Variants in GPC5 observed in about 807,000 individuals in gnomAD.
GPC5 encodes the protein glypican-5.
GPC5 carries 47 observed loss-of-function variants against 53.9 expected under a neutral mutation model. The ratio of observed to expected loss-of-function variants is 0.87; its 90% CI spans 0.69 to 1.11. The LOEUF (loss-of-function observed/expected upper bound fraction) is 1.11. GPC5 is among the 50% of genes most tolerant of loss of function. GPC5 has a pLI of 0.00. For synonymous variants in GPC5, 286 were observed against 263.3 expected (o/e 1.09, Z -0.84); for missense variants, 748 against 713.1 (o/e 1.05, Z -0.56).
At chr13:92,502,549 A>G (rs371770368) in intron 7 of GPC5, among the ~76,000 whole-genome samples, 6 of 152,038 alleles carry the variant, frequency 3.9e-5, no homozygotes, top group African/African-American at 1.4e-4. Flanking sequence ...ATATATGCAC[A>G]CACGAACAAA....
chr13:92,696,056 C>A (rs1594427074), intron 7 of GPC5, among the ~76,000 whole-genome samples: 1 of 152,114 alleles, frequency 6.6e-6, no homozygotes, highest in South Asian at 2.1e-4. Context: ...GCATAGTATT[C>A]CATGGTGTAT....
intron 6 of GPC5, among the ~76,000 whole-genome samples, chr13:91,952,189 C>CTATG (rs138325351): frequency 0.022 from 2,586 of 119,398 alleles, 59 homozygotes; most frequent in Middle Eastern, 0.076. Context: ...CTCTCTCTCT[C>CTATG]TGTGTGTGTG....
chr13:91,613,698 T>C (rs1287263117), intron 2 of GPC5, among the ~76,000 whole-genome samples: 1 of 152,202 alleles, frequency 6.6e-6, no homozygotes, highest in Non-Finnish European at 1.5e-5. Flanking sequence ...CTTCGGTATA[T>C]TGACCTGCAG....
At chr13:92,569,447 T>C (rs1447818040) in intron 7 of GPC5, among the ~76,000 whole-genome samples, 1 of 152,082 alleles carries the variant, frequency 6.6e-6, no homozygotes, top group Non-Finnish European at 1.5e-5. Context: ...CGGGATCTAA[T>C]TGTACTAGTT....
chr13:92,385,461 C>CACATAT (rs2043792176), intron 7 of GPC5, among the ~76,000 whole-genome samples: 8 of 70,448 alleles, frequency 1.1e-4, no homozygotes, highest in Admixed American at 6.6e-4. Context: ...TACATATATA[C>CACATAT]ACATATATAC....
intron 5 of GPC5, among the ~76,000 whole-genome samples, chr13:91,868,971 T>G (rs1249709691): frequency 1.3e-5 from 2 of 152,044 alleles, no homozygotes; most frequent in Admixed American, 6.6e-5. Context: ...AGGAAAGAAA[T>G]AAAGGATCAA....
chr13:92,071,577 A>T lies in GPC5; in HGVS notation c.1402-73253A>T, dbSNP rs571393711. ...TATCCCTCTAACTTGAAATACCAAA[A>T]TATATCATTAAAAAGTCATTTATAT... On this transcript the variant is annotated intron_variant, in intron 6 of 7. Coordinates refer to ENST00000377067, the MANE Select transcript of GPC5 (RefSeq NM_004466.6). Among the ~76,000 whole-genome samples the T allele has an allele frequency of 1.4e-3, 219 of 152,104 alleles. 3 individuals are homozygous for T. In the Middle Eastern group the frequency reaches 0.017, roughly 12 times the overall value.
chr13:92,485,659 A>G (rs1464414019), intron 7 of GPC5, among the ~76,000 whole-genome samples: 1 of 152,174 alleles, frequency 6.6e-6, no homozygotes, highest in Admixed American at 6.5e-5. Context: ...GCCCTACCTT[A>G]CAGCAGGTGG....
chr13:92,196,506 G>T (rs536020253), intron 7 of GPC5, among the ~76,000 whole-genome samples: 6 of 152,136 alleles, frequency 3.9e-5, no homozygotes, highest in Admixed American at 3.9e-4. Flanking sequence ...TATAATTACA[G>T]CCCTAGAATA....
intron 2 of GPC5, among the ~76,000 whole-genome samples, chr13:91,572,280 T>C (rs148216802): frequency 1.5e-3 from 234 of 151,496 alleles, no homozygotes; most frequent in African/African-American, 5.4e-3. Context: ...TGTGTATATA[T>C]GTATGTGTAT....
intron 7 of GPC5, among the ~76,000 whole-genome samples, chr13:92,367,330 A>G (rs1000073070): frequency 6.6e-6 from 1 of 152,184 alleles, no homozygotes; most frequent in Non-Finnish European, 1.5e-5. Flanking sequence ...AATAAGCATG[A>G]TGCTTTCCTT....
intron 7 of GPC5, among the ~76,000 whole-genome samples, chr13:92,576,562 C>A (rs192007959): frequency 3.9e-4 from 59 of 152,042 alleles, no homozygotes; most frequent in Middle Eastern, 3.4e-3. Context: ...GATGTCAGAG[C>A]CTGAAAATTA....
At chr13:92,497,538 G>T (rs1316969102) in intron 7 of GPC5, among the ~76,000 whole-genome samples, 4 of 152,180 alleles carry the variant, frequency 2.6e-5, no homozygotes, top group African/African-American at 4.8e-5. Context: ...CAGGTAGCGT[G>T]ATGACTCCAT....
intron 2 of GPC5, among the ~76,000 whole-genome samples, chr13:91,553,141 G>A (rs763803776): frequency 1.4e-5 from 2 of 141,964 alleles, no homozygotes; most frequent in South Asian, 2.2e-4. Context: ...TGTATGAGGG[G>A]TATGTGGTAA....
At chr13:92,210,090 A>G (rs796078303) in intron 7 of GPC5, among the ~76,000 whole-genome samples, 3 of 152,220 alleles carry the variant, frequency 2.0e-5, no homozygotes, top group African/African-American at 7.2e-5. Context: ...GGCCTTTCCC[A>G]GTCCACTGAC....
rs1398805152 is a variant in GPC5, at chr13:92,002,458, A to C, written c.1401+94401A>C. 2.6e-5 allele frequency among the ~76,000 whole-genome samples: 4 copies of C among 152,304 alleles called. No homozygotes were observed. In the East Asian group the frequency reaches 7.7e-4, roughly 29 times the overall value. On this transcript the variant is annotated intron_variant, in intron 6 of 7. Coordinates refer to ENST00000377067, the MANE Select transcript of GPC5 (RefSeq NM_004466.6). ...ACTGGGCAGGAGTCAATAAACCATA[A>C]TGTCTTACATGGAGAAAGAGATGCC...
intron 7 of GPC5, among the ~76,000 whole-genome samples, chr13:92,336,637 T>TATATGAAAATGATA (rs1488404924): frequency 6.6e-6 from 1 of 152,184 alleles, no homozygotes; most frequent in Non-Finnish European, 1.5e-5. Flanking sequence ...ATAGTAAAGT[T>TATATGAAAATGATA]ATATGAAAAT....
At chr13:91,965,846 G>T (rs573806396) in intron 6 of GPC5, among the ~76,000 whole-genome samples, 52 of 152,216 alleles carry the variant, frequency 3.4e-4, no homozygotes, top group African/African-American at 1.2e-3. Flanking sequence ...TAATTATCAT[G>T]AAGTTTTCTC....
At chr13:91,964,139 G>T (rs907161073) in intron 6 of GPC5, among the ~76,000 whole-genome samples, 2 of 152,128 alleles carry the variant, frequency 1.3e-5, no homozygotes. Flanking sequence ...CCTTCTGGTG[G>T]GTTCATGGTC....
Sources: gnomAD v4.1 joint callset for allele counts (sites outside exome capture counted in the v4.1 genomes callset) on GRCh38, gnomAD v4.1.1 for gene constraint, MANE v1.5 for transcripts, NCBI Gene and HGNC (gene_info 2026-07-23, HGNC 2026-07-21) for gene names.